ATP13A4: variants seen among roughly 807,000 people sequenced by gnomAD.
ATP13A4 encodes probable cation-transporting ATPase 13A4.
In ATP13A4, 114 loss-of-function variants were observed where a neutral mutation model predicts 142.5. The observed-to-expected ratio is 0.80, with a 90% CI of 0.69 to 0.93. The LOEUF (loss-of-function observed/expected upper bound fraction) is 0.93, where lower values mean the gene tolerates loss of function less well. Ranked by LOEUF, ATP13A4 falls within the 40% of genes least tolerant of loss-of-function variation. The pLI is 0.00. For synonymous variants in ATP13A4, 488 were observed against 514.8 expected (o/e 0.95, Z 0.70); for missense variants, 1,392 against 1,454.0 (o/e 0.96, Z 0.69).
chr3:193,455,534 G>A (rs1717557680), intron 16 of ATP13A4, among the ~76,000 whole-genome samples: 1 of 152,086 alleles, frequency 6.6e-6, no homozygotes, highest in Non-Finnish European at 1.5e-5. Flanking sequence ...TCAAAAAACA[G>A]CAGATGCTGG....
chr3:193,483,817 A>T (rs891219094), intron 8 of ATP13A4, 119 bp downstream of exon 8: 3 of 971,606 alleles, frequency 3.1e-6, no homozygotes, highest in East Asian at 2.5e-5. Context: ...CCCTTTGAAC[A>T]AATGCCTAAG....
intron 1 of ATP13A4, among the ~76,000 whole-genome samples, chr3:193,536,635 G>T (rs1047393389): frequency 6.6e-6 from 1 of 151,930 alleles, no homozygotes; most frequent in Non-Finnish European, 1.5e-5. Context: ...TCTAGAATTT[G>T]TAACTAGATA....
chr3:193,453,144 G>A (rs1359494281), intron 17 of ATP13A4, among the ~76,000 whole-genome samples: 1 of 152,098 alleles, frequency 6.6e-6, no homozygotes, highest in Admixed American at 6.5e-5. Flanking sequence ...GGAGTCAGCT[G>A]AGCATTTATT....
chr3:193,541,205 A>C (rs977789042), intron 1 of ATP13A4, among the ~76,000 whole-genome samples: 23 of 146,030 alleles, frequency 1.6e-4, no homozygotes, highest in Non-Finnish European at 2.4e-4. Flanking sequence ...GCCGAGATCG[A>C]GCCACTGCAC....
intron 8 of ATP13A4, among the ~76,000 whole-genome samples, chr3:193,473,197 T>C (rs1718721046): frequency 6.6e-6 from 1 of 152,212 alleles, no homozygotes; most frequent in Non-Finnish European, 1.5e-5. Flanking sequence ...TGGGGACATA[T>C]TACAAAAATA....
chr3:193,495,815 T>C (rs1318776877), intron 3 of ATP13A4, among the ~76,000 whole-genome samples: 1 of 152,082 alleles, frequency 6.6e-6, no homozygotes, highest in Non-Finnish European at 1.5e-5. Context: ...CATGATATCA[T>C]ATATAGAACG....
chr3:193,530,896 TTC>T (rs1722277130), intron 1 of ATP13A4, among the ~76,000 whole-genome samples: 1 of 152,152 alleles, frequency 6.6e-6, no homozygotes, highest in East Asian at 1.9e-4. Flanking sequence ...CAACTCTCTG[TTC>T]TCCTCATCCC....
At chr3:193,495,493 A>G (rs1410791297) in intron 3 of ATP13A4, among the ~76,000 whole-genome samples, 1 of 152,174 alleles carries the variant, frequency 6.6e-6, no homozygotes, top group Admixed American at 6.5e-5. Context: ...ACACCATATG[A>G]TCATTTGAAC....
intron 1 of ATP13A4, among the ~76,000 whole-genome samples, chr3:193,517,352 G>A (rs1251851561): frequency 1.3e-5 from 2 of 152,196 alleles, no homozygotes; most frequent in South Asian, 2.1e-4. Context: ...AGGGTTACAT[G>A]GAGAGATAAC....
chr3:193,506,564 C>T (rs559116563), intron 2 of ATP13A4, among the ~76,000 whole-genome samples: 2 of 152,300 alleles, frequency 1.3e-5, no homozygotes, highest in Admixed American at 6.5e-5. Flanking sequence ...AACTTTTAGA[C>T]TTGAATGAAG....
At position 193,483,973 on chromosome 3, in the gene ATP13A4, T is replaced by C. The variant is rs202183694; in HGVS notation, c.771A>G (p.Ser257=). ...ATACAGAGACCGTAATGCTATTATG[T>C]GACTCGACGAGATGGTGGAGTTTTA... is the stretch of plus-strand genomic sequence containing the variant. The part of the protein sequence containing the change: ...QSVKLHHLVE[S]HNSITVSVCG... Residue 257 remains serine, a synonymous_variant, in exon 8 of 30, where the codon TCA becomes TCG. Transcript: ENST00000342695. 109 of 1,610,516 alleles carry C rather than the reference T, an allele frequency of 6.8e-5. No individual in the cohort carries two copies. The African/African-American group carries it at 1.3e-3, about 19-fold the overall frequency.
At chr3:193,478,124 C>T (rs1004198648) in intron 8 of ATP13A4, among the ~76,000 whole-genome samples, 1 of 151,812 alleles carries the variant, frequency 6.6e-6, no homozygotes, top group African/African-American at 2.4e-5. Context: ...AGGTTCAACA[C>T]AATACCAATA....
At chr3:193,574,227 C>T (rs75530408) in intron 2 of ATP13A4, among the ~76,000 whole-genome samples, 4,538 of 152,312 alleles carry the variant, frequency 0.03, 232 homozygotes, top group African/African-American at 0.1. Context: ...TGTCTGCCTC[C>T]GGCATCACCA....
Position 193,399,698 on chromosome 3 carries a change from A to G in ATP13A4, c.*2954T>C, listed in dbSNP as rs1386615246. On this transcript the variant is annotated 3_prime_UTR_variant, in exon 30 of 30. Coordinates refer to ENST00000342695, the MANE Select transcript of ATP13A4 (RefSeq NM_032279.4). ...CCCATCTCTACTAAAAATACAAAAA[A>G]TTAGCCGGGCATGGTGGCAGACCTG... Among the ~76,000 whole-genome samples, 2 of 152,132 alleles carry G rather than the reference A, an allele frequency of 1.3e-5. No homozygotes were observed. Among genetic ancestry groups the G allele is most frequent in the South Asian group, 2.1e-4 (1 of 4,806 alleles).
chr3:193,557,402 C>T (rs1723926062), upstream of ATP13A4, among the ~76,000 whole-genome samples: 1 of 152,174 alleles, frequency 6.6e-6, no homozygotes, highest in African/African-American at 2.4e-5. Flanking sequence ...GGTCTACAAA[C>T]ATAACCATAA....
intron 1 of ATP13A4, among the ~76,000 whole-genome samples, chr3:193,531,192 C>A (rs1317187498): frequency 6.6e-6 from 1 of 150,722 alleles, no homozygotes; most frequent in Non-Finnish European, 1.5e-5. Flanking sequence ...TCTGTCCCCA[C>A]CAGATATTGA....
In ATP13A4 at chr3:193,442,273, G is replaced by A. The variant is rs112448067; in HGVS notation, c.2316+120C>T. The A allele has an allele frequency of 5.8e-3, 6,248 of 1,084,626 alleles. 134 individuals are homozygous for A. Among genetic ancestry groups the A allele is most frequent in the African/African-American group, 0.043 (2,749 of 63,994 alleles). The allele number at this position is 1,084,626 out of a possible 1,614,324, so 67.2% of individuals were successfully genotyped here. A position where few individuals can be genotyped will look rare whatever the true frequency, so the allele number is the denominator to read the frequency against. On this transcript the variant is annotated intron_variant, in intron 19 of 29. Transcript: ENST00000342695. ...TGGAAAAACCAATGTAACTGAGTTC[G>A]TTCAAAAGCATGAATGCTAGACATT... is the stretch of plus-strand genomic sequence containing the variant.
intron 12 of ATP13A4, 139 bp from the exon 13 acceptor site, chr3:193,462,962 T>C (rs940497897): frequency 1.0e-5 from 8 of 765,476 alleles, no homozygotes; most frequent in African/African-American, 8.9e-5. Flanking sequence ...CTGGGCAACA[T>C]AATGAAACCA....
At chr3:193,563,384 C>T (rs1344073101) in intron 2 of ATP13A4, among the ~76,000 whole-genome samples, 2 of 152,146 alleles carry the variant, frequency 1.3e-5, no homozygotes. Context: ...ATCTCCACTC[C>T]TAGGCCTAGT....
Sources: allele counts gnomAD v4.1 joint callset (sites outside exome capture counted in the v4.1 genomes callset), GRCh38; gene constraint gnomAD v4.1.1; transcripts MANE v1.5; gene names NCBI Gene and HGNC (gene_info 2026-07-23, HGNC 2026-07-21).